The following NISCH variants were observed in gnomAD, a reference collection of about 807,000 sequenced individuals.
NISCH encodes I-1 receptor candidate protein.
Under a neutral mutation model 138.4 loss-of-function variants are expected in NISCH, and 55 were observed. The observed-to-expected ratio is 0.40, with a 90% CI of 0.32 to 0.50. The LOEUF (loss-of-function observed/expected upper bound fraction) is 0.50. Among genes scored for constraint, NISCH ranks in the 20% least tolerant of loss-of-function variants. The pLI, the probability that NISCH is intolerant of heterozygous loss-of-function variation, is 0.71. For synonymous variants in NISCH, 860 were observed against 861.5 expected (o/e 1.00, Z 0.03); for missense variants, 1,643 against 2,005.5 (o/e 0.82, Z 3.45).
chr3:52,486,712 A>T (rs1707410931), intron 15 of NISCH, among the ~76,000 whole-genome samples: 1 of 152,126 alleles, frequency 6.6e-6, no homozygotes, highest in African/African-American at 2.4e-5. Flanking sequence ...AAGCTTACTA[A>T]CTCCCACTCT....
chr3:52,475,147 A>G (rs1441898544), intron 7 of NISCH, among the ~76,000 whole-genome samples: 2 of 151,796 alleles, frequency 1.3e-5, no homozygotes, highest in Non-Finnish European at 2.9e-5. Context: ...CCTTGAGCCT[A>G]GGAGTTGGAG....
chr3:52,487,895 C>G lies in NISCH; in HGVS notation c.2403C>G (p.His801Gln), dbSNP rs371303104. Residue 801 changes from histidine (H) to glutamine (Q), a missense_variant, in exon 16 of 21, where the codon CAC becomes CAG. Transcript: ENST00000345716. The surrounding 1 kb of genome is among the most constrained non-coding windows in gnomAD (Gnocchi z 9.1). The stretch of plus-strand genomic sequence containing the variant: ...TTATCTCGGACGCCGCCAACCTGCA[C>G]GAGTTCCACGCGGACCTGCGCTCAT... The part of the protein sequence containing the change: ...LFIISDAANL[H>Q]EFHADLRSCF... The G allele has an allele frequency of 6.2e-7, 1 of 1,612,070 alleles. No individual in the cohort carries two copies. Among genetic ancestry groups the G allele is most frequent in the African/African-American group, 1.3e-5 (1 of 74,886 alleles).
At chr3:52,458,037 T>C (rs545756882) in intron 2 of NISCH, 111 bp downstream of exon 2, 46 of 750,540 alleles carry the variant, frequency 6.1e-5, no homozygotes, top group Non-Finnish European at 9.8e-5. Flanking sequence ...TCTCTATAGT[T>C]CTTTAATAAA....
chr3:52,490,954 C>G, intron 19 of NISCH, 121 bp downstream of exon 19: 1 of 1,395,536 alleles, frequency 7.2e-7, no homozygotes, highest in Non-Finnish European at 9.9e-7. Flanking sequence ...AGAGCCACTT[C>G]TTAACCGGGG....
intron 3 of NISCH, 79 bp from the exon 4 acceptor site, chr3:52,470,780 G>A: frequency 8.7e-7 from 1 of 1,155,588 alleles, no homozygotes. Context: ...CACAACAGAG[G>A]GGATAGATAG....
intron 3 of NISCH, among the ~76,000 whole-genome samples, chr3:52,459,203 A>G (rs1706561252): frequency 6.6e-6 from 1 of 152,184 alleles, no homozygotes. Flanking sequence ...GCATAGCCCA[A>G]AACTAATTAA....
intron 7 of NISCH, among the ~76,000 whole-genome samples, chr3:52,475,192 T>TA (rs762289102): frequency 0.011 from 1,537 of 135,850 alleles, 5 homozygotes; most frequent in Middle Eastern, 0.016. Flanking sequence ...CCTTGTCTCT[T>TA]AAAAAAAAAA....
rs555522650 is a variant in NISCH, at chr3:52,490,842, C to A, written c.3742+9C>A. 6.2e-7 allele frequency: 1 copy of A among 1,614,018 alleles called. No individual in the cohort carries two copies. Among genetic ancestry groups the A allele is most frequent in the Admixed American group, 1.7e-5 (1 of 60,016 alleles). On this transcript the variant is annotated intron_variant, in intron 19 of 20. Transcript: ENST00000345716. Reference sequence around the variant, plus strand: ...GCATTTCCGGCTGACGGGTGGGTGACCCTCTGTGCTTTGTCCTATTTCGGG... The same window carrying A: ...GCATTTCCGGCTGACGGGTGGGTGAACCTCTGTGCTTTGTCCTATTTCGGG...
intron 14 of NISCH, 28 bp downstream of exon 14, chr3:52,484,665 CCATA>C: frequency 1.9e-6 from 3 of 1,612,736 alleles, no homozygotes; most frequent in Non-Finnish European, 2.5e-6. Context: ...CTTCTGGGGA[CCATA>C]CATCTGTGGG....
At chr3:52,481,153 C>T (rs927420823) in intron 13 of NISCH, 10 of 1,224,012 alleles carry the variant, frequency 8.2e-6, no homozygotes, top group East Asian at 6.8e-5. Context: ...GATAAGATAC[C>T]GGGAAGGGGA....
intron 3 of NISCH, among the ~76,000 whole-genome samples, chr3:52,463,934 C>T (rs563144279): frequency 1.2e-4 from 18 of 150,920 alleles, no homozygotes; most frequent in African/African-American, 3.6e-4. Context: ...ACCATGTCGG[C>T]CAGGATGGTC....
At chr3:52,474,975 G>A (rs1231483487) in intron 7 of NISCH, among the ~76,000 whole-genome samples, 1 of 152,116 alleles carries the variant, frequency 6.6e-6, no homozygotes, top group African/African-American at 2.4e-5. Flanking sequence ...ACCTTTTTAT[G>A]GATTACATCT....
At chr3:52,470,928 G>A (rs1706927273) in intron 4 of NISCH, 21 bp downstream of exon 4, 4 of 1,613,228 alleles carry the variant, frequency 2.5e-6, no homozygotes, top group Non-Finnish European at 3.4e-6. Context: ...ACATGTCCCT[G>A]AAATACTGAG....
At chr3:52,458,268 T>C (rs551293188) in intron 2 of NISCH, among the ~76,000 whole-genome samples, 1 of 152,364 alleles carries the variant, frequency 6.6e-6, no homozygotes, top group African/African-American at 2.4e-5. Context: ...AATATCTGGC[T>C]GTGATTCCAT....
chr3:52,472,075 G>A, intron 5 of NISCH, 98 bp downstream of exon 5: 3 of 1,348,074 alleles, frequency 2.2e-6, no homozygotes, highest in East Asian at 4.7e-5. Context: ...AGACCATGGG[G>A]GACTGTTGGT....
intron 11 of NISCH, among the ~76,000 whole-genome samples, 182 bp from the exon 12 acceptor site, chr3:52,479,563 GCCTC>G (rs1707206735): frequency 6.6e-6 from 1 of 152,160 alleles, no homozygotes; most frequent in African/African-American, 2.4e-5. Context: ...AGCAGGCTGA[GCCTC>G]CCTCAGCCTA....
At chr3:52,473,498 G>A (rs1413298441) in intron 6 of NISCH, among the ~76,000 whole-genome samples, 1 of 152,180 alleles carries the variant, frequency 6.6e-6, no homozygotes, top group East Asian at 1.9e-4. Context: ...AATGGAATTT[G>A]TGGTCCATTG....
intron 13 of NISCH, 146 bp from the exon 14 acceptor site, chr3:52,484,367 C>A: frequency 1.6e-6 from 1 of 629,840 alleles, no homozygotes; most frequent in South Asian, 2.3e-5. Flanking sequence ...TTAACATTTT[C>A]TTCTATAATC....
At position 52,455,652 on chromosome 3, in the gene NISCH, C is replaced by G. The variant is rs535774478; in HGVS notation, c.11C>G (p.Ala4Gly). 1 of 1,343,648 alleles carries G rather than the reference C, an allele frequency of 7.4e-7. No homozygotes were observed. Among genetic ancestry groups the G allele is most frequent in the African/African-American group, 1.5e-5 (1 of 66,560 alleles). The allele number at this position is 1,343,648 out of a possible 1,614,324, so 83.2% of individuals were successfully genotyped here. Residue 4 changes from alanine (A) to glycine (G), a missense_variant, in exon 1 of 21, where the codon GCG (alanine) becomes GGG (glycine). Transcript: ENST00000345716. The part of the protein sequence containing the change: MAT[A>G]RTFGPEREAE... Reference sequence around the variant, plus strand: ...GGCGGAGACCCGAACATGGCGACCGCGCGCACCTTCGGGCCCGAGCGGGAA... The same window carrying G: ...GGCGGAGACCCGAACATGGCGACCGGGCGCACCTTCGGGCCCGAGCGGGAA...
Sources: allele counts gnomAD v4.1 joint callset (sites outside exome capture counted in the v4.1 genomes callset), GRCh38; gene constraint gnomAD v4.1.1; non-coding constraint Gnocchi (gnomAD v3.1); transcripts MANE v1.5; gene names NCBI Gene and HGNC (gene_info 2026-07-23, HGNC 2026-07-21).